Variants in SIPA1L3 observed in about 807,000 individuals in gnomAD.
The protein encoded by SIPA1L3 is signal induced proliferation associated 1 like 3.
Under a neutral mutation model 150.1 loss-of-function variants are expected in SIPA1L3, and 59 were observed. The ratio of observed to expected loss-of-function variants is 0.39; its 90% CI spans 0.32 to 0.49. The LOEUF (loss-of-function observed/expected upper bound fraction) is 0.49. Among genes scored for constraint, SIPA1L3 ranks in the 20% least tolerant of loss-of-function variants. SIPA1L3 has a pLI of 0.86. For synonymous variants in SIPA1L3, 1,070 were observed against 1,077.6 expected (o/e 0.99, Z 0.14); for missense variants, 2,211 against 2,489.5 (o/e 0.89, Z 2.38).
intron 8 of SIPA1L3, 126 bp downstream of exon 8, chr19:38,110,510 A>T (rs1970715087): frequency 3.0e-6 from 2 of 677,260 alleles, no homozygotes; most frequent in East Asian, 2.8e-5. Flanking sequence ...CTCGGCGTAT[A>T]CTCCCCACAC....
Position 37,939,422 on chromosome 19 carries a change from G to GAAA in SIPA1L3, c.-379+32065_-379+32066insAAA, listed in dbSNP as rs1568470964. 1.4e-3 allele frequency among the ~76,000 whole-genome samples: 202 copies of GAAA among 142,432 alleles called. 3 individuals are homozygous for GAAA. Among genetic ancestry groups the GAAA allele is most frequent in the African/African-American group, 5.6e-3 (191 of 34,212 alleles). 93.4% of individuals were successfully genotyped at this position (142,432 alleles called of 152,430 possible). ...GTCAAAAAAAAAAAAAAAAAAAAAGGATTAGTTTCAACCGCATATAATTTA... is the reference window on the plus strand; with the variant it reads ...GTCAAAAAAAAAAAAAAAAAAAAAGGAAAATTAGTTTCAACCGCATATAATTTA... On this transcript the variant is annotated intron_variant, in intron 1 of 21. Coordinates refer to ENST00000222345, the MANE Select transcript of SIPA1L3 (RefSeq NM_015073.3).
At chr19:37,933,943 T>C (rs1339482934) in intron 1 of SIPA1L3, among the ~76,000 whole-genome samples, 2 of 152,186 alleles carry the variant, frequency 1.3e-5, no homozygotes, top group African/African-American at 4.8e-5. Context: ...CAGCCCCTGC[T>C]TGCTGTTCCT....
At chr19:38,063,831 T>A (rs1200170157) in intron 2 of SIPA1L3, among the ~76,000 whole-genome samples, 1 of 151,924 alleles carries the variant, frequency 6.6e-6, no homozygotes, top group Non-Finnish European at 1.5e-5. Flanking sequence ...AAAAAAATAA[T>A]AATAATAACA....
At chr19:38,071,654 G>A (rs1361910147) in intron 2 of SIPA1L3, among the ~76,000 whole-genome samples, 1 of 152,178 alleles carries the variant, frequency 6.6e-6, no homozygotes. Context: ...GCTGGAGTGC[G>A]TGGTTCAACC....
intron 13 of SIPA1L3, among the ~76,000 whole-genome samples, chr19:38,156,260 C>T (rs1971947055): frequency 6.6e-6 from 1 of 151,782 alleles, no homozygotes; most frequent in African/African-American, 2.4e-5. Context: ...GATTTGGATC[C>T]CTTTTTTCCT....
intron 9 of SIPA1L3, among the ~76,000 whole-genome samples, chr19:38,121,355 G>A (rs1971013617): frequency 6.6e-6 from 1 of 151,712 alleles, no homozygotes; most frequent in South Asian, 2.1e-4. Flanking sequence ...GGAGAATGGT[G>A]TGAACCCGGA....
intron 2 of SIPA1L3, among the ~76,000 whole-genome samples, chr19:38,032,566 T>C (rs7260226): frequency 0.76 from 114,931 of 152,120 alleles, 43,880 homozygotes; most frequent in Admixed American, 0.84. Flanking sequence ...GGGCTGGGCA[T>C]GGTGGCTCAC....
intron 9 of SIPA1L3, among the ~76,000 whole-genome samples, chr19:38,126,708 G>T (rs1158306383): frequency 1.3e-5 from 2 of 151,670 alleles, no homozygotes; most frequent in Non-Finnish European, 2.9e-5. Flanking sequence ...AGCTAATTTT[G>T]TATTTTTAGT....
chr19:37,984,672 A>G (rs1210379974), intron 1 of SIPA1L3, among the ~76,000 whole-genome samples: 1 of 152,230 alleles, frequency 6.6e-6, no homozygotes, highest in African/African-American at 2.4e-5. Flanking sequence ...ATCTTTTTGC[A>G]TAGGTCCTGA....
chr19:38,130,103 C>A (rs534947275), intron 9 of SIPA1L3, among the ~76,000 whole-genome samples: 1 of 152,184 alleles, frequency 6.6e-6, no homozygotes, highest in African/African-American at 2.4e-5. Flanking sequence ...AAATAAATAC[C>A]ACAGCCCAGA....
At chr19:37,965,835 C>T (rs1193497193) in intron 1 of SIPA1L3, among the ~76,000 whole-genome samples, 8 of 151,978 alleles carry the variant, frequency 5.3e-5, no homozygotes, top group Non-Finnish European at 7.4e-5. Flanking sequence ...TGAAACACGC[C>T]CCTGTCTCTC....
chr19:37,985,135 G>A (rs1312868922), intron 1 of SIPA1L3, among the ~76,000 whole-genome samples: 1 of 152,000 alleles, frequency 6.6e-6, no homozygotes, highest in Non-Finnish European at 1.5e-5. Context: ...ATCAGTTGAG[G>A]CCAGTTTGAG....
intron 12 of SIPA1L3, among the ~76,000 whole-genome samples, chr19:38,145,348 A>G (rs1971679809): frequency 6.6e-6 from 1 of 152,028 alleles, no homozygotes; most frequent in Non-Finnish European, 1.5e-5. Flanking sequence ...CCTGGCCAAC[A>G]TGATGAAACC....
At chr19:38,044,750 T>C (rs903279228) in intron 2 of SIPA1L3, among the ~76,000 whole-genome samples, 2 of 152,124 alleles carry the variant, frequency 1.3e-5, no homozygotes, top group African/African-American at 4.8e-5. Context: ...GGGTCGTCAC[T>C]GTGGAGTATG....
Position 37,965,832 on chromosome 19 carries a change from C to T in SIPA1L3, c.-379+58474C>T, listed in dbSNP as rs548799380. ...ATTCCACGTCAACCCTCCTGAAACA[C>T]GCCCCTGTCTCTCCAGGCTTCATGT... On this transcript the variant is annotated intron_variant, in intron 1 of 21. Transcript: ENST00000222345. Among the ~76,000 whole-genome samples the T allele has an allele frequency of 1.8e-4, 28 of 151,946 alleles. 1 individual carries two copies. The highest frequency in any genetic ancestry group is 6.2e-4 in the South Asian group (3 of 4,810).
At chr19:38,170,500 C>G (rs972151365) in intron 15 of SIPA1L3, among the ~76,000 whole-genome samples, 2 of 152,184 alleles carry the variant, frequency 1.3e-5, no homozygotes, top group Middle Eastern at 3.2e-3. Flanking sequence ...ACAGGCCCAG[C>G]ATGAGCACTC....
At chr19:38,195,050 CA>C (rs1167892035) in intron 18 of SIPA1L3, among the ~76,000 whole-genome samples, 71 of 142,206 alleles carry the variant, frequency 5.0e-4, no homozygotes, top group South Asian at 6.7e-4. Flanking sequence ...GACTCCATCT[CA>C]AAAAAAAAAA....
At chr19:38,038,456 G>C (rs1231434942) in intron 2 of SIPA1L3, among the ~76,000 whole-genome samples, 1 of 152,136 alleles carries the variant, frequency 6.6e-6, no homozygotes, top group African/African-American at 2.4e-5. Flanking sequence ...CAGGCATGGT[G>C]GTGGGCGCCT....
At chr19:37,927,651 T>TGG (rs775400516) in intron 1 of SIPA1L3, among the ~76,000 whole-genome samples, 96 of 91,686 alleles carry the variant, frequency 1.0e-3, no homozygotes, top group Non-Finnish European at 1.6e-3. Context: ...AATAAGAACA[T>TGG]GGGGTGTGTG....
Sources: allele counts gnomAD v4.1 joint callset (sites outside exome capture counted in the v4.1 genomes callset), GRCh38; gene constraint gnomAD v4.1.1; transcripts MANE v1.5; gene names NCBI Gene and HGNC (gene_info 2026-07-23, HGNC 2026-07-21).